CSMD1: variants seen among roughly 807,000 people sequenced by gnomAD.
The protein encoded by CSMD1 is CUB and sushi domain-containing protein 1.
A neutral mutation model predicts 417.5 loss-of-function variants in CSMD1; 213 were observed. The ratio of observed to expected loss-of-function variants is 0.51; its 90% CI spans 0.46 to 0.57. The LOEUF (loss-of-function observed/expected upper bound fraction) is 0.57, where lower values mean the gene tolerates loss of function less well. Among genes scored for constraint, CSMD1 ranks in the 20% least tolerant of loss-of-function variants. The probability of loss-of-function intolerance (pLI) is 0.00; values close to 1 mark genes in which losing one functional copy is unlikely to be tolerated. For synonymous variants in CSMD1, 2,862 were observed against 1,736.8 expected, an observed-to-expected ratio of 1.65 and a Z score of -16.11; for missense variants, 6,923 against 4,529.7, an observed-to-expected ratio of 1.53 and a Z score of -15.17.
At chr8:3,683,005 A>G (rs1799746691) in intron 7 of CSMD1, among the ~76,000 whole-genome samples, 2 of 152,230 alleles carry the variant, frequency 1.3e-5, no homozygotes, top group South Asian at 2.1e-4. Flanking sequence ...ATGAGAACAC[A>G]TGGACACAGG....
At chr8:4,764,415 A>C (rs538013951) in intron 1 of CSMD1, among the ~76,000 whole-genome samples, 1 of 152,320 alleles carries the variant, frequency 6.6e-6, no homozygotes, top group Non-Finnish European at 1.5e-5. Flanking sequence ...TTACAATTTT[A>C]TCAAGTTTGG....
intron 2 of CSMD1, among the ~76,000 whole-genome samples, chr8:4,540,916 G>A (rs1797350972): frequency 6.6e-6 from 1 of 152,140 alleles, no homozygotes; most frequent in African/African-American, 2.4e-5. Flanking sequence ...ATTTTATGAG[G>A]CTGTAGACTA....
chr8:3,363,900 C>A (rs1354515518), intron 20 of CSMD1, among the ~76,000 whole-genome samples: 1 of 152,116 alleles, frequency 6.6e-6, no homozygotes, highest in South Asian at 2.1e-4. Context: ...GGGGATTGTG[C>A]AGGTTTATCT....
chr8:3,264,494 G>T (rs1303720174), intron 26 of CSMD1, among the ~76,000 whole-genome samples: 15 of 152,256 alleles, frequency 9.9e-5, no homozygotes, highest in Admixed American at 9.2e-4. Flanking sequence ...CAAAGAGAGG[G>T]AAAAATCTAA....
chr8:3,322,934 T>C (rs758274472), intron 23 of CSMD1, among the ~76,000 whole-genome samples: 2 of 152,200 alleles, frequency 1.3e-5, no homozygotes, highest in South Asian at 4.1e-4. Context: ...TTTTTGCTTT[T>C]TTTTGTTTTT....
chr8:3,744,563 G>T (rs1936535955), intron 6 of CSMD1, among the ~76,000 whole-genome samples: 1 of 152,176 alleles, frequency 6.6e-6, no homozygotes, highest in Non-Finnish European at 1.5e-5. Flanking sequence ...AGACTCCCAT[G>T]ACTAGTTTGT....
chr8:3,160,871 C>A (rs182283457), intron 38 of CSMD1, among the ~76,000 whole-genome samples: 38 of 152,290 alleles, frequency 2.5e-4, no homozygotes, highest in Non-Finnish European at 4.7e-4. Flanking sequence ...CGTTTGCCAG[C>A]CCCTGTTCTT....
At chr8:4,126,549 A>G (rs1470583743) in intron 3 of CSMD1, among the ~76,000 whole-genome samples, 2 of 152,126 alleles carry the variant, frequency 1.3e-5, no homozygotes, top group African/African-American at 4.8e-5. Context: ...GAGGCCACTG[A>G]TCCACAATTG....
chr8:3,862,526 T>C (rs370098647), intron 5 of CSMD1, among the ~76,000 whole-genome samples: 1 of 152,228 alleles, frequency 6.6e-6, no homozygotes, highest in Non-Finnish European at 1.5e-5. Context: ...TTTGCTACCA[T>C]AAAATTCACC....
chr8:4,890,712 T>G (rs908011326), intron 1 of CSMD1, among the ~76,000 whole-genome samples: 1 of 152,174 alleles, frequency 6.6e-6, no homozygotes, highest in Non-Finnish European at 1.5e-5. Flanking sequence ...TGCATGTTAT[T>G]AGGTCGCTGC....
rs1285790908 is a variant in CSMD1 at position 3,403,954 on chromosome 8, C to A, written c.2266+2073G>T. Among the ~76,000 whole-genome samples, 6 of 152,114 alleles carry A rather than the reference C, an allele frequency of 3.9e-5. No individual in the cohort carries two copies. In the East Asian group the frequency reaches 1.2e-3, roughly 29 times the overall value. ...CAGCTATTAAGAGGGTTTTGTTGCC[C>A]TTCTATTTATCAATATTTCACCCAT... On this transcript the variant is annotated intron_variant, in intron 15 of 69. Transcript: ENST00000635120.
intron 24 of CSMD1, 28 bp from the exon 25 acceptor site, chr8:3,307,849 GTTCAGC>G: frequency 6.2e-7 from 1 of 1,603,422 alleles, no homozygotes; most frequent in Non-Finnish European, 8.5e-7. Context: ...AGATGGGAAC[GTTCAGC>G]TTCAGGCATC....
intron 1 of CSMD1, among the ~76,000 whole-genome samples, chr8:4,797,015 A>C (rs1585114430): frequency 6.6e-6 from 1 of 152,180 alleles, no homozygotes; most frequent in Non-Finnish European, 1.5e-5. Context: ...CTTATTCCAT[A>C]AAGAAAGGGA....
intron 23 of CSMD1, among the ~76,000 whole-genome samples, chr8:3,311,591 T>C (rs1448713596): frequency 6.6e-6 from 1 of 152,242 alleles, no homozygotes; most frequent in Non-Finnish European, 1.5e-5. Flanking sequence ...GCTAGACGAT[T>C]TGTGCTAGTA....
At chr8:3,956,742 C>A (rs1456401149) in intron 5 of CSMD1, among the ~76,000 whole-genome samples, 1 of 152,040 alleles carries the variant, frequency 6.6e-6, no homozygotes, top group Non-Finnish European at 1.5e-5. Context: ...GCTGAACGTT[C>A]TTTAGCCCAA....
chr8:3,210,278 G>A (rs1034159844), intron 30 of CSMD1, among the ~76,000 whole-genome samples: 18 of 152,004 alleles, frequency 1.2e-4, no homozygotes, highest in African/African-American at 3.6e-4. Context: ...GCATGTAAAT[G>A]GAATCCTCCA....
At chr8:4,487,567 G>A (rs1017260663) in intron 2 of CSMD1, among the ~76,000 whole-genome samples, 7 of 152,096 alleles carry the variant, frequency 4.6e-5, no homozygotes, top group African/African-American at 1.7e-4. Flanking sequence ...GTCTATCATT[G>A]TTGGACATTT....
At chr8:3,972,322 C>A (rs1813145120) in intron 5 of CSMD1, among the ~76,000 whole-genome samples, 1 of 152,056 alleles carries the variant, frequency 6.6e-6, no homozygotes, top group Non-Finnish European at 1.5e-5. Flanking sequence ...ATCCAGTTTT[C>A]CAAGATTGTC....
intron 1 of CSMD1, among the ~76,000 whole-genome samples, chr8:4,828,128 A>G (rs1435020658): frequency 6.6e-6 from 1 of 152,174 alleles, no homozygotes; most frequent in Non-Finnish European, 1.5e-5. Flanking sequence ...TTCCATCACT[A>G]CAACTTATCC....
Sources: gnomAD v4.1 joint callset for allele counts (sites outside exome capture counted in the v4.1 genomes callset) on GRCh38, gnomAD v4.1.1 for gene constraint, MANE v1.5 for transcripts, NCBI Gene and HGNC (gene_info 2026-07-23, HGNC 2026-07-21) for gene names.